PRKRA: variants seen among roughly 807,000 people sequenced by gnomAD.
PRKRA encodes protein activator of interferon induced protein kinase EIF2AK2.
A neutral mutation model predicts 32.4 loss-of-function variants in PRKRA; 22 were observed. The ratio of observed to expected loss-of-function variants is 0.68; its 90% CI spans 0.49 to 0.97. The LOEUF is 0.97. Ranked by LOEUF, PRKRA falls within the 50% of genes least tolerant of loss-of-function variation. PRKRA has a pLI of 0.00. For missense variants in PRKRA, 319 were observed against 375.6 expected, an observed-to-expected ratio of 0.85 and a Z score of 1.25; for synonymous variants, 139 against 129.8, an observed-to-expected ratio of 1.07 and a Z score of -0.48.
chr2:178,438,404 C>T (rs1696987447), intron 6 of PRKRA, among the ~76,000 whole-genome samples: 1 of 152,120 alleles, frequency 6.6e-6, no homozygotes, highest in South Asian at 2.1e-4. Flanking sequence ...AATAATCCAT[C>T]CTCTCACCCA....
At chr2:178,450,030 T>C (rs1300348228) in intron 2 of PRKRA, 6 of 669,200 alleles carry the variant, frequency 9.0e-6, no homozygotes, top group Non-Finnish European at 1.5e-5. Context: ...AACTTTTTAG[T>C]TTCTAAGCTT....
intron 3 of PRKRA, chr2:178,445,359 T>TC (rs3216708): frequency 2.0e-5 from 2 of 98,632 alleles, no homozygotes; most frequent in African/African-American, 7.2e-5. Context: ...TTCCTCAAGG[T>TC]TTTTTTTTTC....
At chr2:178,450,905 G>A (rs1409898586) in intron 1 of PRKRA, 61 bp downstream of exon 1, 18 of 1,509,018 alleles carry the variant, frequency 1.2e-5, no homozygotes, top group African/African-American at 1.0e-4. Context: ...CCGGCTCCCC[G>A]CGCCCCGGCC....
At chr2:178,449,795 G>A (rs1159172758) in intron 2 of PRKRA, among the ~76,000 whole-genome samples, 16 of 152,198 alleles carry the variant, frequency 1.1e-4, no homozygotes, top group Admixed American at 1.0e-3. Context: ...GTAGCACAAT[G>A]GACCTAAAGT....
intron 3 of PRKRA, 39 bp downstream of exon 3, chr2:178,447,466 A>G (rs1475286884): frequency 2.3e-6 from 3 of 1,282,246 alleles, no homozygotes; most frequent in Non-Finnish European, 3.0e-6. Context: ...CTCAGCCATG[A>G]TATTTTTGAG....
chr2:178,450,810 C>G, intron 1 of PRKRA, 156 bp downstream of exon 1: 1 of 1,341,508 alleles, frequency 7.5e-7, no homozygotes, highest in Non-Finnish European at 9.5e-7. Context: ...CCCCAACCCT[C>G]GCCGCCGAGA....
chr2:178,444,640 T>A, intron 3 of PRKRA, 140 bp from the exon 4 acceptor site: 1 of 714,334 alleles, frequency 1.4e-6, no homozygotes, highest in Admixed American at 2.1e-5. Flanking sequence ...CTCAGACCTC[T>A]TCTATGGGAA....
At position 178,451,058 on chromosome 2, in the gene PRKRA, AG is replaced by A; in HGVS notation, c.-29del. On this transcript the variant is annotated 5_prime_UTR_variant, in exon 1 of 8. Coordinates refer to ENST00000325748, the MANE Select transcript of PRKRA (RefSeq NM_003690.5). ...CGAGAAGGGACGGCTCAGCGGCTGGAGGAAGAGCGGTGCGGAGCGACGTGCT... is the reference window on the plus strand; with the variant it reads ...CGAGAAGGGACGGCTCAGCGGCTGGAGAAGAGCGGTGCGGAGCGACGTGCT... 2 of 1,551,258 alleles carry A rather than the reference AG, an allele frequency of 1.3e-6. No homozygotes were observed. The highest frequency in any genetic ancestry group is 2.4e-5 in the South Asian group (2 of 84,788).
At chr2:178,435,405 AAATC>A (rs1696849225) in intron 7 of PRKRA, among the ~76,000 whole-genome samples, 1 of 151,570 alleles carries the variant, frequency 6.6e-6, no homozygotes, top group Non-Finnish European at 1.5e-5. Flanking sequence ...AAAAAAAAAA[AAATC>A]AAGACACCAA....
At chr2:178,442,714 T>C (rs527379880) in intron 5 of PRKRA, among the ~76,000 whole-genome samples, 2 of 152,296 alleles carry the variant, frequency 1.3e-5, no homozygotes, top group East Asian at 3.9e-4. Flanking sequence ...CTTTTGAAAA[T>C]AACAAAAACA....
At chr2:178,450,147 T>A in intron 2 of PRKRA, 95 bp downstream of exon 2, 8 of 1,243,500 alleles carry the variant, frequency 6.4e-6, no homozygotes, top group Non-Finnish European at 8.7e-6. Flanking sequence ...TCCTCACAGC[T>A]GTCTGGCAAA....
intron 5 of PRKRA, 94 bp from the exon 6 acceptor site, chr2:178,441,798 C>T: frequency 1.2e-6 from 1 of 807,534 alleles, no homozygotes; most frequent in Non-Finnish European, 1.9e-6. Context: ...AATCAGAGAA[C>T]CTCACGGTTT....
chr2:178,445,876 G>C (rs896967530), intron 3 of PRKRA: 4 of 152,290 alleles, frequency 2.6e-5, no homozygotes, highest in African/African-American at 9.7e-5. Context: ...GATTACAGGA[G>C]CGTGCCACCA....
At chr2:178,446,451 A>G (rs538189516) in intron 3 of PRKRA, among the ~76,000 whole-genome samples, 1 of 152,320 alleles carries the variant, frequency 6.6e-6, no homozygotes, top group Non-Finnish European at 1.5e-5. Flanking sequence ...AACGGTTTAG[A>G]ATGATTTACA....
chr2:178,444,299 G>A (rs947135117), intron 4 of PRKRA, 123 bp downstream of exon 4: 6 of 833,032 alleles, frequency 7.2e-6, no homozygotes, highest in Admixed American at 4.8e-5. Context: ...TCTAATGATC[G>A]TAAGTTGGAA....
At chr2:178,444,209 T>C (rs1006734614) in intron 4 of PRKRA, among the ~76,000 whole-genome samples, 5 of 152,196 alleles carry the variant, frequency 3.3e-5, no homozygotes, top group African/African-American at 1.2e-4. Context: ...ATGAGAATTC[T>C]ATAAGCCAAA....
intron 2 of PRKRA, 116 bp from the exon 3 acceptor site, chr2:178,447,702 AATAAAAATATGTACGTTATATACTGTAC>A (rs1357482046): frequency 1.0e-6 from 1 of 979,988 alleles, no homozygotes; most frequent in Non-Finnish European, 1.5e-6. Flanking sequence ...CATACTAGGT[AATAAAAATATGTACGTTATATACTGTAC>A]ATAAAAATAT....
In PRKRA at chr2:178,431,509, T is replaced by C; in HGVS notation, c.*588A>G. 1 of 155,544 alleles carries C rather than the reference T, an allele frequency of 6.4e-6. No homozygotes were observed. The highest frequency in any genetic ancestry group is 1.4e-5 in the Non-Finnish European group (1 of 69,866). The allele number at this position is 155,544 out of a possible 1,614,324, so 9.6% of individuals were successfully genotyped here. A position where few individuals can be genotyped will look rare whatever the true frequency, so the allele number is the denominator to read the frequency against. The stretch of plus-strand genomic sequence containing the variant: ...ATGTAAATAACAGAATTATCAACAT[T>C]AAAATCTTATTCACAATGGCTAACA... On this transcript the variant is annotated 3_prime_UTR_variant, in exon 8 of 8. Transcript: ENST00000325748.
At chr2:178,440,755 AT>A (rs1697079838) in intron 6 of PRKRA, among the ~76,000 whole-genome samples, 1 of 152,164 alleles carries the variant, frequency 6.6e-6, no homozygotes, top group South Asian at 2.1e-4. Context: ...TTTGATCCTA[AT>A]TTCACTCACT....
Sources: allele counts gnomAD v4.1 joint callset (sites outside exome capture counted in the v4.1 genomes callset), GRCh38; gene constraint gnomAD v4.1.1; transcripts MANE v1.5; gene names NCBI Gene and HGNC (gene_info 2026-07-23, HGNC 2026-07-21).